LSM12: variants seen among roughly 807,000 people sequenced by gnomAD.
LSM12 encodes the protein protein LSM12.
For missense variants in LSM12, 108 were observed against 238.9 expected, an observed-to-expected ratio of 0.45 and a Z score of 3.61; for synonymous variants, 74 against 87.3, an observed-to-expected ratio of 0.85 and a Z score of 0.85.
chr17:44,059,402 A>G (rs1179557359), intron 2 of LSM12, among the ~76,000 whole-genome samples: 2 of 152,182 alleles, frequency 1.3e-5, no homozygotes, highest in African/African-American at 4.8e-5. Context: ...CAGCCTGGTC[A>G]ACACGGCAAA....
At chr17:44,066,756 G>A (rs1003222383), upstream of LSM12, 7 of 796,790 alleles carry the variant, frequency 8.8e-6, no homozygotes, top group African/African-American at 7.3e-5. Flanking sequence ...GGAAAGAAGA[G>A]GAAATAAAGG....
At chr17:44,046,061 C>G (rs369369800) in intron 2 of LSM12, among the ~76,000 whole-genome samples, 30 of 151,364 alleles carry the variant, frequency 2.0e-4, no homozygotes, top group African/African-American at 7.0e-4. Flanking sequence ...CTCAGCCTCC[C>G]GAGTAGCTGG....
intron 2 of LSM12, among the ~76,000 whole-genome samples, chr17:44,048,867 T>C (rs1276191704): frequency 2.0e-5 from 3 of 152,134 alleles, no homozygotes; most frequent in Admixed American, 6.6e-5. Context: ...GAAAAGTATA[T>C]GCATTCGATA....
At chr17:44,041,334 A>AC (rs2049491143) in intron 2 of LSM12, among the ~76,000 whole-genome samples, 6 of 104,546 alleles carry the variant, frequency 5.7e-5, no homozygotes, top group Non-Finnish European at 7.7e-5. Flanking sequence ...CACACACACA[A>AC]ACACACACAC....
intron 2 of LSM12, among the ~76,000 whole-genome samples, chr17:44,057,380 C>T (rs1412214507): frequency 6.7e-6 from 1 of 149,270 alleles, no homozygotes; most frequent in African/African-American, 2.5e-5. Flanking sequence ...GATCTCCTGA[C>T]CTCGTGATCC....
At position 44,066,552 on chromosome 17, in the gene LSM12, C is replaced by A; in HGVS notation, c.36G>T (p.Gly12=). ...GGCACGTCCGGCACGACACCTGGCT[C>A]CCAACGCTGAAGTACTCGCCCGGAG... is the stretch of plus-strand genomic sequence containing the variant. ...AAPPGEYFSV[G]SQVSCRTCQE... Residue 12 remains glycine, a synonymous_variant, in exon 1 of 5, where the codon GGG becomes GGT. Coordinates refer to ENST00000293406, the MANE Select transcript of LSM12 (RefSeq NM_001371445.1). The A allele has an allele frequency of 1.3e-6, 2 of 1,511,260 alleles. No homozygotes were observed. The highest frequency in any genetic ancestry group is 1.8e-6 in the Non-Finnish European group (2 of 1,130,392). 93.6% of individuals were successfully genotyped at this position (1,511,260 alleles called of 1,614,324 possible).
intron 1 of LSM12, among the ~76,000 whole-genome samples, chr17:44,064,963 C>T (rs1280336425): frequency 6.6e-6 from 1 of 151,680 alleles, no homozygotes; most frequent in Non-Finnish European, 1.5e-5. Flanking sequence ...GAAACCCCGT[C>T]TCTACTAAAA....
intron 3 of LSM12, among the ~76,000 whole-genome samples, chr17:44,038,453 T>C (rs973137087): frequency 4.6e-5 from 7 of 151,272 alleles, no homozygotes; most frequent in African/African-American, 1.7e-4. Flanking sequence ...GGTCAGGAGA[T>C]CGAGACCATC....
At chr17:44,066,238 A>C (rs2049873532) in intron 1 of LSM12, among the ~76,000 whole-genome samples, 1 of 151,010 alleles carries the variant, frequency 6.6e-6, no homozygotes, top group Admixed American at 6.6e-5. Flanking sequence ...GATCCTCGGT[A>C]AAGCCCCAGC....
In LSM12 at chr17:44,046,759, C is replaced by T. The variant is rs796208842; in HGVS notation, c.259-6503G>A. Among the ~76,000 whole-genome samples, 497 of 68,258 alleles carry T rather than the reference C, an allele frequency of 7.3e-3. No homozygotes were observed. In the Middle Eastern group the frequency reaches 0.12, roughly 17 times the overall value. The allele number at this position is 68,258 out of a possible 152,430, so 44.8% of individuals were successfully genotyped here. On this transcript the variant is annotated intron_variant, in intron 2 of 4. Coordinates refer to ENST00000293406, the MANE Select transcript of LSM12 (RefSeq NM_001371445.1). ...GTCAAACTGTTTTCTTTTTTTTTTT[C>T]TTTTTTTTTTTTTTTTGCTGGAGTG...
chr17:44,062,978 G>A (rs896777699), intron 2 of LSM12, among the ~76,000 whole-genome samples: 2 of 151,990 alleles, frequency 1.3e-5, no homozygotes, highest in Admixed American at 6.6e-5. Context: ...GCTGAGGCAC[G>A]AGAATCACTT....
At chr17:44,067,205 C>CT (rs1399436035), upstream of LSM12, among the ~76,000 whole-genome samples, 1 of 152,198 alleles carries the variant, frequency 6.6e-6, no homozygotes, top group African/African-American at 2.4e-5. Context: ...GGGACTGAGG[C>CT]TGGAGGATCT....
rs1174858069 is a variant in LSM12 at position 44,045,856 on chromosome 17, A to AGCCACCC, written c.259-5607_259-5601dup. 2.0e-5 allele frequency among the ~76,000 whole-genome samples: 3 copies of AGCCACCC among 152,006 alleles called. No individual in the cohort carries two copies. In the East Asian group the frequency reaches 5.8e-4, roughly 29 times the overall value. ...CTAAGGTGCTGGGATTACAGGCATG[A>AGCCACCC]GCCACCCTACCCGGCTGTTTCCAGT... is the stretch of plus-strand genomic sequence containing the variant. On this transcript the variant is annotated intron_variant, in intron 2 of 4. Coordinates refer to ENST00000293406, the MANE Select transcript of LSM12 (RefSeq NM_001371445.1).
At chr17:44,050,877 G>GT (rs1460709720) in intron 2 of LSM12, among the ~76,000 whole-genome samples, 3 of 152,180 alleles carry the variant, frequency 2.0e-5, no homozygotes, top group South Asian at 2.1e-4. Flanking sequence ...GCTCACAACT[G>GT]TAACTCCAGC....
chr17:44,065,263 T>A (rs2049856458), intron 1 of LSM12, among the ~76,000 whole-genome samples: 1 of 150,322 alleles, frequency 6.7e-6, no homozygotes, highest in East Asian at 2.0e-4. Context: ...TGATACCCCA[T>A]CTCTGTTAAA....
chr17:44,037,239 C>T, intron 4 of LSM12, 173 bp downstream of exon 4: 1 of 649,686 alleles, frequency 1.5e-6, no homozygotes, highest in Non-Finnish European at 2.4e-6. Context: ...CCAGTGGTTC[C>T]ATTCCCACAG....
intron 3 of LSM12, among the ~76,000 whole-genome samples, chr17:44,037,784 G>A (rs925216681): frequency 6.6e-6 from 1 of 152,174 alleles, no homozygotes; most frequent in Non-Finnish European, 1.5e-5. Flanking sequence ...TGAAGCATCA[G>A]AGATCTGGAG....
chr17:44,063,878 G>T lies in LSM12; in HGVS notation c.181C>A (p.Gln61Lys). The T allele has an allele frequency of 6.2e-6, 10 of 1,613,854 alleles. No homozygotes were observed. Among genetic ancestry groups the T allele is most frequent in the African/African-American group, 1.3e-5 (1 of 74,942 alleles). The change falls in exon 2 of 5, where the codon CAG (glutamine) becomes AAG (lysine). Residue 61 changes from glutamine (Q) to lysine (K), a missense_variant. Gln to Lys is a moderately conservative substitution (Grantham distance 53). Transcript: ENST00000293406. ...ATTATTTCCACTTCTGAAACATACT[G>T]TAAGTTTATGAGCAAGATGTCTGCA... ...NHADILLINL[Q>K]YVSEVEIIND...
intron 1 of LSM12, among the ~76,000 whole-genome samples, 159 bp downstream of exon 1, chr17:44,066,305 G>T (rs1207774580): frequency 6.6e-6 from 1 of 152,228 alleles, no homozygotes; most frequent in Non-Finnish European, 1.5e-5. Flanking sequence ...CCGCGGGAGG[G>T]GGAGGGGAGC....
Sources: gnomAD v4.1 joint callset for allele counts (sites outside exome capture counted in the v4.1 genomes callset) on GRCh38, gnomAD v4.1.1 for gene constraint, MANE v1.5 for transcripts, NCBI Gene and HGNC (gene_info 2026-07-23, HGNC 2026-07-21) for gene names.